The following MAP7D1 variants were observed in gnomAD, a reference collection of about 807,000 sequenced individuals.
MAP7D1 encodes the protein MAP7 domain containing 1, also known as MAP7 domain-containing protein 1.
A neutral mutation model predicts 97.5 loss-of-function variants in MAP7D1; 30 were observed. That is an observed-to-expected ratio of 0.31 (90% CI 0.23 to 0.42). The LOEUF is 0.42. MAP7D1 is among the 10% of genes least tolerant of loss of function. The pLI is 1.00. For missense variants in MAP7D1, 1,184 were observed against 1,179.5 expected, an observed-to-expected ratio of 1.00 and a Z score of -0.06; for synonymous variants, 536 against 477.1, an observed-to-expected ratio of 1.12 and a Z score of -1.61.
intron 1 of MAP7D1, among the ~76,000 whole-genome samples, chr1:36,156,727 C>T (rs1442492772): frequency 6.6e-6 from 1 of 151,990 alleles, no homozygotes; most frequent in Admixed American, 6.5e-5. Flanking sequence ...TTGGGGTGAC[C>T]CTTCTGCCCC....
intron 1 of MAP7D1, among the ~76,000 whole-genome samples, 199 bp downstream of exon 1, chr1:36,156,662 C>T (rs1300005244): frequency 6.6e-6 from 1 of 152,120 alleles, no homozygotes; most frequent in Non-Finnish European, 1.5e-5. Flanking sequence ...CTCCCCCACC[C>T]CGGGTGCCGG....
Position 36,165,443 on chromosome 1 carries a change from ATTTTTCTTT to A in MAP7D1, c.47-5516_47-5508del, listed in dbSNP as rs994459389. ...TGGCCTTTATTTAATTTTATTTAAA[ATTTTTCTTT>A]TTTTTCTTTTTCTTTTTTTTTTTTT... On this transcript the variant is annotated intron_variant, in intron 1 of 16. Coordinates refer to ENST00000474796, the MANE Select transcript of MAP7D1 (RefSeq NM_001388490.1). 4.5e-4 allele frequency among the ~76,000 whole-genome samples: 65 copies of A among 145,958 alleles called. No individual in the cohort carries two copies. The East Asian group carries it at 0.013, about 29-fold the overall frequency.
rs1035907241 is a variant in MAP7D1, at chr1:36,172,644, C to T, written c.624+17C>T. ...AAAAACAAGGTGCGGGATGGGTCTCCGTGAATCCATGTACACGTGTGCTCA... is the reference window on the plus strand; with the variant it reads ...AAAAACAAGGTGCGGGATGGGTCTCTGTGAATCCATGTACACGTGTGCTCA... On this transcript the variant is annotated intron_variant, in intron 4 of 16. Transcript: ENST00000474796. 3.2e-6 allele frequency: 5 copies of T among 1,548,816 alleles called. No homozygotes were observed. The highest frequency in any genetic ancestry group is 1.4e-5 in the African/African-American group (1 of 73,602).
chr1:36,177,974 C>T lies in MAP7D1; in HGVS notation c.1481C>T (p.Pro494Leu), dbSNP rs150251502. ...CCAGGCCACACTCTGCCTCCAAAGC[C>T]ACCGTCCCCCCGAGGCACCACTGCA... ...PGPGHTLPPK[P>L]PSPRGTTASP... is the part of the protein sequence containing the mutation. The change falls in exon 9 of 17, where the codon CCA becomes CTA. Residue 494 changes from proline (P) to leucine (L), a missense_variant. Transcript: ENST00000474796. The T allele has an allele frequency of 6.2e-5, 99 of 1,606,668 alleles. No individual in the cohort carries two copies. Among genetic ancestry groups the T allele is most frequent in the Non-Finnish European group, 7.6e-5 (89 of 1,175,058 alleles).
intron 8 of MAP7D1, among the ~76,000 whole-genome samples, chr1:36,177,287 GT>G (rs1323647175): frequency 6.6e-6 from 1 of 150,790 alleles, no homozygotes; most frequent in African/African-American, 2.4e-5. Flanking sequence ...TTTTGTTTTT[GT>G]TTTTTTAAGT....
chr1:36,173,118 A>T (rs1173383505), intron 4 of MAP7D1, among the ~76,000 whole-genome samples: 1 of 152,188 alleles, frequency 6.6e-6, no homozygotes, highest in Non-Finnish European at 1.5e-5. Context: ...ATCCTCAGAG[A>T]ATCAACTCAT....
At chr1:36,163,014 G>C (rs1390982993) in intron 1 of MAP7D1, among the ~76,000 whole-genome samples, 3 of 152,188 alleles carry the variant, frequency 2.0e-5, no homozygotes, top group Non-Finnish European at 4.4e-5. Flanking sequence ...TGAGTTATCA[G>C]TGTTGTGAGA....
At position 36,173,356 on chromosome 1, in the gene MAP7D1, T is replaced by A; in HGVS notation, c.625-8T>A. ...CCACATCTCTCTCTTCTCCCCACCT[T>A]CCCCCAGGAGCGCTATGAAGCAGCC... On this transcript the variant is annotated splice_region_variant and splice_polypyrimidine_tract_variant and intron_variant, in intron 4 of 16. Coordinates refer to ENST00000474796, the MANE Select transcript of MAP7D1 (RefSeq NM_001388490.1). The A allele has an allele frequency of 6.2e-7, 1 of 1,606,608 alleles. No homozygotes were observed. Among genetic ancestry groups the A allele is most frequent in the Non-Finnish European group, 8.5e-7 (1 of 1,175,460 alleles).
chr1:36,170,876 G>A, intron 1 of MAP7D1, 95 bp from the exon 2 acceptor site: 1 of 658,690 alleles, frequency 1.5e-6, no homozygotes. Flanking sequence ...ATAAGTGAAT[G>A]AAGAAGTCGG....
chr1:36,172,414 G>A lies in MAP7D1; in HGVS notation c.461-50G>A, dbSNP rs144150224. ...ACTTGGAGGAAATGTCCTTGGCCCAGGCCTTCTGCAGAACCCTTCACACAC... is the reference window on the plus strand; with the variant it reads ...ACTTGGAGGAAATGTCCTTGGCCCAAGCCTTCTGCAGAACCCTTCACACAC... On this transcript the variant is annotated intron_variant, in intron 3 of 16. Transcript: ENST00000474796. 3.0e-4 allele frequency: 423 copies of A among 1,402,842 alleles called. No individual in the cohort carries two copies. The African/African-American group carries it at 5.6e-3, about 18-fold the overall frequency. 86.9% of individuals were successfully genotyped at this position (1,402,842 alleles called of 1,614,324 possible).
chr1:36,172,783 T>A (rs1055376125), intron 4 of MAP7D1, among the ~76,000 whole-genome samples, 156 bp downstream of exon 4: 1 of 152,248 alleles, frequency 6.6e-6, no homozygotes, highest in Non-Finnish European at 1.5e-5. Flanking sequence ...TGTGTTAGAA[T>A]ATCTGGGCAC....
intron 8 of MAP7D1, 156 bp from the exon 9 acceptor site, chr1:36,177,717 G>T: frequency 9.0e-7 from 1 of 1,113,040 alleles, no homozygotes; most frequent in Non-Finnish European, 1.3e-6. Flanking sequence ...TGGGGTGTAT[G>T]CTCTAAAAGG....
intron 6 of MAP7D1, among the ~76,000 whole-genome samples, chr1:36,175,342 G>A (rs1644603315): frequency 6.6e-6 from 1 of 152,232 alleles, no homozygotes; most frequent in South Asian, 2.1e-4. Flanking sequence ...ACAGCCAGCT[G>A]GTCTGGGCCA....
rs920343237 is a variant in MAP7D1 at position 36,176,142 on chromosome 1, C to G, written c.851-57C>G. 8 of 1,582,632 alleles carry G rather than the reference C, an allele frequency of 5.1e-6. No homozygotes were observed. Among genetic ancestry groups the G allele is most frequent in the Non-Finnish European group, 6.8e-6 (8 of 1,169,812 alleles). On this transcript the variant is annotated intron_variant, in intron 6 of 16. Transcript: ENST00000474796. The surrounding 1 kb of genome is among the most constrained non-coding windows in gnomAD (Gnocchi z 6.1). Reference sequence around the variant, plus strand: ...TGGTGCCTGGTCTGCTCCCTTGCCTCTTCCTGCCTCCTACGGCCCCCACGG... The same window carrying G: ...TGGTGCCTGGTCTGCTCCCTTGCCTGTTCCTGCCTCCTACGGCCCCCACGG...
At chr1:36,161,716 G>A (rs990853262) in intron 1 of MAP7D1, among the ~76,000 whole-genome samples, 1 of 152,084 alleles carries the variant, frequency 6.6e-6, no homozygotes, top group Non-Finnish European at 1.5e-5. Context: ...TAAATATTCC[G>A]GGGACATTGT....
intron 4 of MAP7D1, 43 bp downstream of exon 4, chr1:36,172,670 C>T: frequency 6.7e-7 from 1 of 1,492,822 alleles, no homozygotes; most frequent in Admixed American, 2.0e-5. Flanking sequence ...CGTGTGCTCA[C>T]CGTCTGCATA....
chr1:36,180,726 G>A lies in MAP7D1; in HGVS notation c.*468G>A, dbSNP rs1644705619. On this transcript the variant is annotated 3_prime_UTR_variant, in exon 17 of 17. Transcript: ENST00000474796. The stretch of plus-strand genomic sequence containing the variant: ...TGAGGGGGATCCCAGGTCTGGGGAT[G>A]GGGGACACCTTGGGCCACAGGATAC... 3 of 199,378 alleles carry A rather than the reference G, an allele frequency of 1.5e-5. No individual in the cohort carries two copies. The South Asian group carries it at 2.8e-4, about 18-fold the overall frequency. 12.4% of individuals were successfully genotyped at this position (199,378 alleles called of 1,614,324 possible).
At chr1:36,171,955 A>AAAAAC (rs1644551388) in intron 3 of MAP7D1, 1 of 222,094 alleles carries the variant, frequency 4.5e-6, no homozygotes, top group African/African-American at 2.3e-5. Context: ...AAAAAAAAAA[A>AAAAAC]AAACCAACAC....
In MAP7D1 at chr1:36,156,412, G is replaced by T. The variant is rs1254102232; in HGVS notation, c.-6G>T. 8.7e-6 allele frequency: 13 copies of T among 1,485,984 alleles called. No individual in the cohort carries two copies. In the Admixed American group the frequency reaches 2.7e-4, roughly 31 times the overall value. 92.0% of individuals were successfully genotyped at this position (1,485,984 alleles called of 1,614,324 possible). A position where few individuals can be genotyped will look rare whatever the true frequency, so the allele number is the denominator to read the frequency against. ...AGACCCCGAGACCCCCAGTGACGCC[G>T]CAGCCATGGAGAGCGGCCCGCGTGC... On this transcript the variant is annotated 5_prime_UTR_variant, in exon 1 of 17. Coordinates refer to ENST00000474796, the MANE Select transcript of MAP7D1 (RefSeq NM_001388490.1).
Sources: allele counts gnomAD v4.1 joint callset (sites outside exome capture counted in the v4.1 genomes callset), GRCh38; gene constraint gnomAD v4.1.1; non-coding constraint Gnocchi (gnomAD v3.1); transcripts MANE v1.5; gene names NCBI Gene and HGNC (gene_info 2026-07-23, HGNC 2026-07-21).